The following XKR9 variants were observed in gnomAD, a reference collection of about 807,000 sequenced individuals.
XKR9 encodes the protein XK-related protein 9.
A neutral mutation model predicts 32.0 loss-of-function variants in XKR9; 32 were observed. The observed-to-expected ratio is 1.00, with a 90% CI of 0.76 to 1.34. The LOEUF (loss-of-function observed/expected upper bound fraction) is 1.34. Ranked by LOEUF, XKR9 falls within the 40% of genes most tolerant of loss-of-function variation. The pLI, the probability that XKR9 is intolerant of heterozygous loss-of-function variation, is 0.00. For missense variants in XKR9, 546 were observed against 429.7 expected (o/e 1.27, Z -2.39); for synonymous variants, 168 against 143.4 (o/e 1.17, Z -1.22).
chr8:70,825,574 A>T, the XKR9 span, among the ~76,000 whole-genome samples: 2 of 152,062 alleles, frequency 1.3e-5, no homozygotes, highest in Non-Finnish European at 1.5e-5. Flanking sequence ...TCCTTGAATG[A>T]TTGCCTTACT....
At chr8:70,849,979 G>C in the XKR9 span, among the ~76,000 whole-genome samples, 1 of 108,148 alleles carries the variant, frequency 9.2e-6, no homozygotes, top group Non-Finnish European at 2.3e-5. Flanking sequence ...GTAATTAATA[G>C]CCTGCCAAAA....
chr8:70,780,590 G>A (rs1463155316), intron 2 of XKR9, among the ~76,000 whole-genome samples: 3 of 152,090 alleles, frequency 2.0e-5, no homozygotes, highest in African/African-American at 7.2e-5. Context: ...AGCTTGAAGA[G>A]GCAAGGAAGA....
intron 2 of XKR9, among the ~76,000 whole-genome samples, chr8:70,785,745 AT>A (rs1397362219): frequency 7.6e-5 from 11 of 144,840 alleles, no homozygotes; most frequent in Non-Finnish European, 1.5e-4. Context: ...CTCTCTATAT[AT>A]ATATATATAT....
chr8:70,841,515 C>G, the XKR9 span, among the ~76,000 whole-genome samples: 1 of 152,186 alleles, frequency 6.6e-6, no homozygotes, highest in African/African-American at 2.4e-5. Context: ...AAGTTTCACT[C>G]ATTGCCTCAT....
At chr8:71,064,012 C>T in the XKR9 span, among the ~76,000 whole-genome samples, 1 of 152,182 alleles carries the variant, frequency 6.6e-6, no homozygotes, top group African/African-American at 2.4e-5. Flanking sequence ...AGTAGTTACA[C>T]TCTATTAACT....
At chr8:70,841,820 T>C in the XKR9 span, among the ~76,000 whole-genome samples, 1 of 152,340 alleles carries the variant, frequency 6.6e-6, no homozygotes, top group African/African-American at 2.4e-5. Context: ...AGTGGTGGTA[T>C]AAATTCTAAT....
At chr8:70,856,734 C>T in the XKR9 span, among the ~76,000 whole-genome samples, 5 of 152,144 alleles carry the variant, frequency 3.3e-5, no homozygotes, top group East Asian at 5.8e-4. Flanking sequence ...TAAAGTACTC[C>T]TCAGCAAATG....
chr8:71,050,099 G>A, the XKR9 span, among the ~76,000 whole-genome samples: 1 of 151,816 alleles, frequency 6.6e-6, no homozygotes, highest in African/African-American at 2.4e-5. Context: ...CTGGCTGTGT[G>A]ACCTTGGGCA....
At chr8:70,981,067 A>G in the XKR9 span, among the ~76,000 whole-genome samples, 1 of 152,118 alleles carries the variant, frequency 6.6e-6, no homozygotes, top group Non-Finnish European at 1.5e-5. Context: ...GACAGCTCTT[A>G]AGATTTTTTC....
chr8:70,716,687 C>T (rs895421560), intron 4 of XKR9, among the ~76,000 whole-genome samples: 1 of 152,116 alleles, frequency 6.6e-6, no homozygotes. Flanking sequence ...GGTGGGGACA[C>T]AAAGCCAAAC....
the XKR9 span, among the ~76,000 whole-genome samples, chr8:70,887,018 G>C: frequency 6.6e-6 from 1 of 151,628 alleles, no homozygotes; most frequent in African/African-American, 2.4e-5. Context: ...TCTGAATGGT[G>C]TCGCCTAGGT....
chr8:70,860,279 A>G, the XKR9 span, among the ~76,000 whole-genome samples: 1 of 152,016 alleles, frequency 6.6e-6, no homozygotes, highest in African/African-American at 2.4e-5. Context: ...CATGAATGGA[A>G]TTAGTACCCT....
chr8:70,784,507 G>A (rs774901367), intron 2 of XKR9, among the ~76,000 whole-genome samples: 1 of 151,580 alleles, frequency 6.6e-6, no homozygotes, highest in Admixed American at 6.6e-5. Context: ...TGTTGTTAGT[G>A]TGTAGAAATG....
chr8:70,938,208 C>T, the XKR9 span, among the ~76,000 whole-genome samples: 1 of 151,828 alleles, frequency 6.6e-6, no homozygotes, highest in South Asian at 2.1e-4. Flanking sequence ...AGAGGACATT[C>T]CCAGGTGTGG....
chr8:70,732,973 CTTGG>C (rs1806721928), intron 4 of XKR9, among the ~76,000 whole-genome samples: 1 of 152,096 alleles, frequency 6.6e-6, no homozygotes, highest in Non-Finnish European at 1.5e-5. Context: ...CAGAAGTTAG[CTTGG>C]TGTGGTGGCA....
the XKR9 span, among the ~76,000 whole-genome samples, chr8:70,917,031 T>C: frequency 6.6e-6 from 1 of 152,220 alleles, no homozygotes; most frequent in African/African-American, 2.4e-5. Context: ...TCCATGAATC[T>C]TGCTCACTAG....
chr8:70,821,800 C>T, the XKR9 span, among the ~76,000 whole-genome samples: 1 of 152,182 alleles, frequency 6.6e-6, no homozygotes, highest in Non-Finnish European at 1.5e-5. Flanking sequence ...AACAGCAAAG[C>T]CCTGGGCCCG....
At chr8:70,954,268 C>G in the XKR9 span, among the ~76,000 whole-genome samples, 1 of 151,992 alleles carries the variant, frequency 6.6e-6, no homozygotes, top group Non-Finnish European at 1.5e-5. Context: ...GACTGTTTAC[C>G]CCAGAGAGAT....
chr8:70,875,322 C>G, the XKR9 span, among the ~76,000 whole-genome samples: 1 of 152,146 alleles, frequency 6.6e-6, no homozygotes, highest in Admixed American at 6.5e-5. Flanking sequence ...TTGTCCTATG[C>G]TGTTTAGGCA....
Sources: allele counts gnomAD v4.1 joint callset (sites outside exome capture counted in the v4.1 genomes callset), GRCh38; gene constraint gnomAD v4.1.1; transcripts MANE v1.5; gene names NCBI Gene and HGNC (gene_info 2026-07-23, HGNC 2026-07-21).